The following ABI1 variants were observed in gnomAD, a reference collection of about 807,000 sequenced individuals.
ABI1 encodes the protein abl interactor 1.
Under a neutral mutation model 54.6 loss-of-function variants are expected in ABI1, and 14 were observed. The ratio of observed to expected loss-of-function variants is 0.26; its 90% CI spans 0.17 to 0.40. ABI1 has a LOEUF of 0.40. Among genes scored for constraint, ABI1 ranks in the 10% least tolerant of loss-of-function variants. The pLI is 1.00. For missense variants in ABI1, 443 were observed against 598.3 expected, an observed-to-expected ratio of 0.74 and a Z score of 2.71; for synonymous variants, 194 against 209.3, an observed-to-expected ratio of 0.93 and a Z score of 0.63.
At chr10:26,817,004 G>GTT (rs896079969) in intron 2 of ABI1, among the ~76,000 whole-genome samples, 4 of 151,734 alleles carry the variant, frequency 2.6e-5, no homozygotes, top group African/African-American at 9.7e-5. Context: ...GTGTGTGTGT[G>GTT]TGTGTGTGTG....
chr10:26,790,642 A>G (rs1843312626), intron 2 of ABI1: 1 of 152,144 alleles, frequency 6.6e-6, no homozygotes, highest in South Asian at 2.1e-4. Context: ...TGCAGAAGTG[A>G]CCACTTATGT....
intron 10 of ABI1, among the ~76,000 whole-genome samples, chr10:26,749,197 G>A (rs1837306771): frequency 6.6e-6 from 1 of 151,994 alleles, no homozygotes; most frequent in African/African-American, 2.4e-5. Context: ...CTCATTCAAG[G>A]ACCCATGCTA....
At chr10:26,859,185 T>G (rs1021774393) in intron 1 of ABI1, among the ~76,000 whole-genome samples, 6 of 152,042 alleles carry the variant, frequency 3.9e-5, no homozygotes, top group Non-Finnish European at 7.4e-5. Flanking sequence ...AGTGATACAG[T>G]AGATGTGGCA....
chr10:26,818,503 A>G (rs1201295271), intron 2 of ABI1, among the ~76,000 whole-genome samples: 1 of 151,546 alleles, frequency 6.6e-6, no homozygotes, highest in Non-Finnish European at 1.5e-5. Flanking sequence ...CTAGCTACTC[A>G]GTAGGCTGAG....
chr10:26,780,295 C>T (rs1302569414), intron 2 of ABI1, among the ~76,000 whole-genome samples: 3 of 152,116 alleles, frequency 2.0e-5, no homozygotes, highest in African/African-American at 7.2e-5. Context: ...GGAACAATCA[C>T]GGCTCACTGC....
chr10:26,856,487 A>AAAG (rs1176081178), intron 1 of ABI1, among the ~76,000 whole-genome samples: 1 of 150,808 alleles, frequency 6.6e-6, no homozygotes, highest in Non-Finnish European at 1.5e-5. Flanking sequence ...AAACTGGCAT[A>AAAG]AAGTGTACAG....
chr10:26,787,301 C>T (rs1449612017), intron 2 of ABI1, among the ~76,000 whole-genome samples: 1 of 152,184 alleles, frequency 6.6e-6, no homozygotes, highest in East Asian at 1.9e-4. Flanking sequence ...GAGCATCCCA[C>T]ATGGTCCCCA....
intron 2 of ABI1, among the ~76,000 whole-genome samples, chr10:26,784,971 T>A (rs975139456): frequency 1.3e-5 from 2 of 152,218 alleles, no homozygotes; most frequent in African/African-American, 4.8e-5. Context: ...CCTGGCTCTC[T>A]TAGGTAGACC....
At chr10:26,792,590 T>G in intron 2 of ABI1, among the ~76,000 whole-genome samples, 1 of 152,190 alleles carries the variant, frequency 6.6e-6, no homozygotes, top group East Asian at 1.9e-4. Context: ...AGACCAAATT[T>G]GAAAACTTCT....
At chr10:26,842,219 C>T (rs2049573401) in intron 1 of ABI1, among the ~76,000 whole-genome samples, 1 of 152,198 alleles carries the variant, frequency 6.6e-6, no homozygotes, top group Non-Finnish European at 1.5e-5. Flanking sequence ...GTCAGCCATC[C>T]TTATGTCTTC....
Position 26,854,457 on chromosome 10 carries a change from A to AG in ABI1, c.117+6289_117+6290insC, listed in dbSNP as rs2050656602. 2.0e-5 allele frequency among the ~76,000 whole-genome samples: 3 copies of AG among 151,766 alleles called. No homozygotes were observed. In the South Asian group the frequency reaches 6.2e-4, roughly 32 times the overall value. ...ACAGACTTGGTGTGAAAGAAGAAAAAAAAAAAGGAAAGAAAAGAAAAAAAA... is the reference window on the plus strand; with the variant it reads ...ACAGACTTGGTGTGAAAGAAGAAAAAGAAAAAAGGAAAGAAAAGAAAAAAAA... On this transcript the variant is annotated intron_variant, in intron 1 of 10. Transcript: ENST00000376140.
At chr10:26,802,144 G>A (rs1224308121) in intron 2 of ABI1, among the ~76,000 whole-genome samples, 1 of 152,166 alleles carries the variant, frequency 6.6e-6, no homozygotes, top group South Asian at 2.1e-4. Context: ...ACATGGGAGA[G>A]AACATTTGTT....
rs114578603 is a variant in ABI1, at chr10:26,802,400, C to T, written c.285+20738G>A. ...TGTCCTATCTAAAGTGGGTAGAGTGCTTTAGAATTTCACCGACTGAGGCTC... is the reference window on the plus strand; with the variant it reads ...TGTCCTATCTAAAGTGGGTAGAGTGTTTTAGAATTTCACCGACTGAGGCTC... On this transcript the variant is annotated intron_variant, in intron 2 of 10. Coordinates refer to ENST00000376140, the MANE Select transcript of ABI1 (RefSeq NM_001012750.3). 8.6e-3 allele frequency among the ~76,000 whole-genome samples: 1,316 copies of T among 152,196 alleles called. 18 individuals carry two copies. The highest frequency in any genetic ancestry group is 0.03 in the African/African-American group (1,251 of 41,534).
At chr10:26,790,552 C>T (rs1328462062) in intron 2 of ABI1, 2 of 151,840 alleles carry the variant, frequency 1.3e-5, no homozygotes, top group East Asian at 3.9e-4. Context: ...AAATGTGGAA[C>T]ACTTCATGAA....
intron 7 of ABI1, among the ~76,000 whole-genome samples, chr10:26,760,082 TAAA>T (rs200610491): frequency 1.4e-5 from 2 of 141,820 alleles, no homozygotes; most frequent in Non-Finnish European, 1.5e-5. Flanking sequence ...AATCTGCTTT[TAAA>T]AAAAAAAAAA....
intron 1 of ABI1, among the ~76,000 whole-genome samples, chr10:26,854,823 C>A (rs1373595719): frequency 6.6e-6 from 1 of 152,136 alleles, no homozygotes; most frequent in Non-Finnish European, 1.5e-5. Flanking sequence ...TTTTGTTAAT[C>A]TCTACAAATG....
rs770538240 is a variant in ABI1 at position 26,748,449 on chromosome 10, TA to T, written c.*120del. 5 of 737,528 alleles carry T rather than the reference TA, an allele frequency of 6.8e-6. No individual in the cohort carries two copies. Among genetic ancestry groups the T allele is most frequent in the Non-Finnish European group, 1.0e-5 (5 of 484,514 alleles). The allele number at this position is 737,528 out of a possible 1,614,324, so 45.7% of individuals were successfully genotyped here. ...TACAGGTAGACATTCAATTTACCAATAAAACAGCATGTTCTGAAAATATGGG... is the reference window on the plus strand; with the variant it reads ...TACAGGTAGACATTCAATTTACCAATAAACAGCATGTTCTGAAAATATGGG... On this transcript the variant is annotated 3_prime_UTR_variant, in exon 11 of 11. Transcript: ENST00000376140.
intron 1 of ABI1, among the ~76,000 whole-genome samples, chr10:26,827,147 T>C (rs2048352554): frequency 6.6e-6 from 1 of 152,126 alleles, no homozygotes; most frequent in South Asian, 2.1e-4. Context: ...TCTCCTGACC[T>C]CATGATCCAC....
chr10:26,768,503 A>G (rs1453364684), intron 6 of ABI1, among the ~76,000 whole-genome samples: 1 of 150,660 alleles, frequency 6.6e-6, no homozygotes, highest in African/African-American at 2.4e-5. Flanking sequence ...GCACCACTAC[A>G]CTCCAGCCTG....
Sources: gnomAD v4.1 joint callset for allele counts (sites outside exome capture counted in the v4.1 genomes callset) on GRCh38, gnomAD v4.1.1 for gene constraint, MANE v1.5 for transcripts, NCBI Gene and HGNC (gene_info 2026-07-23, HGNC 2026-07-21) for gene names.